SAR1A: variants seen among roughly 807,000 people sequenced by gnomAD.
SAR1A encodes the protein small COPII coat GTPase SAR1A.
A neutral mutation model predicts 22.6 loss-of-function variants in SAR1A; 6 were observed. That is an observed-to-expected ratio of 0.27 (90% CI 0.15 to 0.52). The LOEUF (loss-of-function observed/expected upper bound fraction) is 0.52. Among genes scored for constraint, SAR1A ranks in the 20% least tolerant of loss-of-function variants. SAR1A has a pLI of 0.96. For missense variants in SAR1A, 145 were observed against 245.1 expected (o/e 0.59, Z 2.73); for synonymous variants, 70 against 82.2 (o/e 0.85, Z 0.80).
intron 3 of SAR1A, chr10:70,161,338 A>G (rs1839465817): frequency 3.6e-6 from 2 of 552,180 alleles, no homozygotes; most frequent in East Asian, 6.0e-5. Context: ...AACTATTCTA[A>G]AAGCCAAAGG....
intron 1 of SAR1A, among the ~76,000 whole-genome samples, chr10:70,166,543 T>C (rs1265284018): frequency 6.6e-6 from 1 of 152,218 alleles, no homozygotes; most frequent in Non-Finnish European, 1.5e-5. Context: ...TATCTCAATA[T>C]TTAATCATTT....
Position 70,149,482 on chromosome 10 carries a change from T to G in SAR1A, c.*2994A>C, listed in dbSNP as rs7896472. ...CTCATTTGGGTTTTTGTAAAAGCAG[T>G]CTTCCTACAAGCCTAGTAAAGGAAA... On this transcript the variant is annotated 3_prime_UTR_variant, in exon 7 of 7. Coordinates refer to ENST00000373241, the MANE Select transcript of SAR1A (RefSeq NM_020150.5). The G allele has an allele frequency of 0.99, 149,941 of 150,942 alleles. 74,477 individuals are homozygous for G. Among genetic ancestry groups the G allele is most frequent in the Middle Eastern group, 1 (294 of 294 alleles). The allele number at this position is 150,942 out of a possible 1,614,324, so 9.4% of individuals were successfully genotyped here.
intron 1 of SAR1A, among the ~76,000 whole-genome samples, chr10:70,165,755 G>C (rs1180673710): frequency 1.3e-5 from 2 of 152,200 alleles, no homozygotes; most frequent in African/African-American, 2.4e-5. Context: ...AAACTTACTT[G>C]AGCAGCAGCA....
intron 4 of SAR1A, among the ~76,000 whole-genome samples, chr10:70,160,440 TA>T (rs1366147715): frequency 6.6e-6 from 1 of 152,118 alleles, no homozygotes; most frequent in Non-Finnish European, 1.5e-5. Context: ...AAACAGTTCA[TA>T]AAAAATAAGC....
chr10:70,167,455 C>G (rs756913864), intron 1 of SAR1A: 6 of 152,150 alleles, frequency 3.9e-5, no homozygotes, highest in Non-Finnish European at 7.4e-5. Context: ...ATAAAATGAA[C>G]AGCTGGGCGC....
At chr10:70,157,737 A>G (rs756167079) in intron 5 of SAR1A, 27 bp downstream of exon 5, 18 of 1,545,740 alleles carry the variant, frequency 1.2e-5, no homozygotes, top group African/African-American at 1.4e-5. Context: ...ATATACATTA[A>G]AATACACATT....
At chr10:70,152,634 T>C (rs1178504850) in intron 6 of SAR1A, 42 bp from the exon 7 acceptor site, 4 of 1,286,434 alleles carry the variant, frequency 3.1e-6, no homozygotes, top group Admixed American at 3.4e-5. Flanking sequence ...AGCATCTCTG[T>C]GGTGGAAAAG....
intron 1 of SAR1A, chr10:70,163,727 G>T (rs964776528): frequency 1.2e-6 from 1 of 861,386 alleles, no homozygotes; most frequent in Non-Finnish European, 2.0e-6. Flanking sequence ...AGAATTCAAA[G>T]AAGTTTTTTC....
intron 5 of SAR1A, 104 bp from the exon 6 acceptor site, chr10:70,154,073 G>T: frequency 1.2e-6 from 1 of 828,530 alleles, no homozygotes; most frequent in Non-Finnish European, 1.8e-6. Flanking sequence ...ATCTTTTAAG[G>T]CATTAATGTA....
In SAR1A at chr10:70,151,219, C is replaced by T. The variant is rs1839320933; in HGVS notation, c.*1257G>A. 1 of 125,726 alleles carries T rather than the reference C, an allele frequency of 8.0e-6. No individual in the cohort carries two copies. Among genetic ancestry groups the T allele is most frequent in the Admixed American group, 1.1e-4 (1 of 9,414 alleles). The allele number at this position is 125,726 out of a possible 1,614,324, so 7.8% of individuals were successfully genotyped here. A position where few individuals can be genotyped will look rare whatever the true frequency, so the allele number is the denominator to read the frequency against. ...ACAGAAAGTTTTTGGGTTAGTGTTT[C>T]CCTAGCTTATTTCTGCAATGGAGAA... is the stretch of plus-strand genomic sequence containing the variant. On this transcript the variant is annotated 3_prime_UTR_variant, in exon 7 of 7. Coordinates refer to ENST00000373241, the MANE Select transcript of SAR1A (RefSeq NM_020150.5).
chr10:70,156,086 A>G (rs1839383707), intron 5 of SAR1A, among the ~76,000 whole-genome samples: 1 of 152,196 alleles, frequency 6.6e-6, no homozygotes, highest in Non-Finnish European at 1.5e-5. Context: ...AAAGACAAAT[A>G]GTTCCATTCT....
chr10:70,157,913 T>C, intron 4 of SAR1A, 46 bp from the exon 5 acceptor site: 1 of 1,260,808 alleles, frequency 7.9e-7, no homozygotes, highest in East Asian at 2.4e-5. Flanking sequence ...ATATACATTG[T>C]GAAAATGAAT....
intron 1 of SAR1A, among the ~76,000 whole-genome samples, chr10:70,168,302 G>A (rs918233291): frequency 6.6e-6 from 1 of 152,204 alleles, no homozygotes; most frequent in African/African-American, 2.4e-5. Flanking sequence ...CACCTTTGCA[G>A]AATTCATCTA....
chr10:70,157,842 G>A lies in SAR1A; in HGVS notation c.270C>T (p.Leu90=). 6.2e-7 allele frequency: 1 copy of A among 1,613,324 alleles called. No individual in the cohort carries two copies. Among genetic ancestry groups the A allele is most frequent in the Non-Finnish European group, 8.5e-7 (1 of 1,179,724 alleles). Reference sequence around the variant, plus strand: ...GAAAGACAATCCCATTAATTGCTGGGAGATAATTTTTCCAAACGCGACGTG... The same window carrying A: ...GAAAGACAATCCCATTAATTGCTGGAAGATAATTTTTCCAAACGCGACGTG... The part of the protein sequence containing the change: ...EQARRVWKNY[L]PAINGIVFLV... The change falls in exon 5 of 7, where the codon CTC becomes CTT. Residue 90 remains leucine (L), a synonymous_variant. Coordinates refer to ENST00000373241, the MANE Select transcript of SAR1A (RefSeq NM_020150.5).
chr10:70,166,101 T>C (rs1397918588), intron 1 of SAR1A, among the ~76,000 whole-genome samples: 1 of 152,256 alleles, frequency 6.6e-6, no homozygotes, highest in African/African-American at 2.4e-5. Context: ...TAAGACGTAA[T>C]GCTACTGTAC....
In SAR1A at chr10:70,148,169, T is replaced by C. The variant is rs1160069276; in HGVS notation, c.*4307A>G. The stretch of plus-strand genomic sequence containing the variant: ...CTGGGATTACAGGCGTGAGCCACCG[T>C]ACCCGGCCATCATTAATTTTTATTA... On this transcript the variant is annotated 3_prime_UTR_variant, in exon 7 of 7. Transcript: ENST00000373241. 1.3e-5 allele frequency: 2 copies of C among 152,238 alleles called. No individual in the cohort carries two copies. Among genetic ancestry groups the C allele is most frequent in the Non-Finnish European group, 2.9e-5 (2 of 68,048 alleles). The allele number at this position is 152,238 out of a possible 1,614,324, so 9.4% of individuals were successfully genotyped here.
chr10:70,158,757 C>CAAAAAAAAAAA (rs58884949), intron 4 of SAR1A, among the ~76,000 whole-genome samples: 19 of 125,770 alleles, frequency 1.5e-4, no homozygotes, highest in East Asian at 4.7e-4. Flanking sequence ...TTAAGTTATA[C>CAAAAAAAAAAA]AAAAAAAAAA....
intron 1 of SAR1A, chr10:70,164,086 G>A (rs1839513162): frequency 1.3e-6 from 1 of 760,846 alleles, no homozygotes; most frequent in Admixed American, 1.8e-5. Context: ...GATGGTGATG[G>A]TCAAGTAAAC....
chr10:70,166,862 T>C (rs188707092), intron 1 of SAR1A: 43 of 149,496 alleles, frequency 2.9e-4, no homozygotes, highest in African/African-American at 9.8e-4. Flanking sequence ...TAGTCAGGCA[T>C]GGTGGCACGT....
Sources: allele counts gnomAD v4.1 joint callset (sites outside exome capture counted in the v4.1 genomes callset), GRCh38; gene constraint gnomAD v4.1.1; transcripts MANE v1.5; gene names NCBI Gene and HGNC (gene_info 2026-07-23, HGNC 2026-07-21).